SORCS2: variants seen among roughly 807,000 people sequenced by gnomAD.
SORCS2 encodes the protein VPS10 domain-containing receptor SorCS2.
A neutral mutation model predicts 141.6 loss-of-function variants in SORCS2; 100 were observed. The observed-to-expected ratio is 0.71, with a 90% CI of 0.60 to 0.83. The LOEUF is 0.83. Among genes scored for constraint, SORCS2 ranks in the 40% least tolerant of loss-of-function variants. The probability of loss-of-function intolerance (pLI) is 0.00; values close to 1 mark genes in which losing one functional copy is unlikely to be tolerated. For synonymous variants in SORCS2, 789 were observed against 676.9 expected, an observed-to-expected ratio of 1.17 and a Z score of -2.57; for missense variants, 1,646 against 1,560.2, an observed-to-expected ratio of 1.05 and a Z score of -0.93.
At position 7,642,760 on chromosome 4, in the gene SORCS2, C is replaced by T. The variant is rs187732948; in HGVS notation, c.813+4268C>T. On this transcript the variant is annotated intron_variant, in intron 4 of 26. Transcript: ENST00000507866. ...CCAGAGGCTCTGCTGGGCTTTGCTGCGATTGGCTATATGAGGCTCCTGGTT... is the reference window on the plus strand; with the variant it reads ...CCAGAGGCTCTGCTGGGCTTTGCTGTGATTGGCTATATGAGGCTCCTGGTT... Among the ~76,000 whole-genome samples, 255 of 152,238 alleles carry T rather than the reference C, an allele frequency of 1.7e-3. 1 individual carries two copies. The highest frequency in any genetic ancestry group is 5.9e-3 in the African/African-American group (246 of 41,520).
intron 2 of SORCS2, among the ~76,000 whole-genome samples, chr4:7,496,602 T>C (rs964299875): frequency 2.0e-5 from 3 of 151,778 alleles, no homozygotes; most frequent in Middle Eastern, 3.2e-3. Context: ...TTAGTTTTCT[T>C]ACAAACCAGC....
chr4:7,192,750 C>T lies in SORCS2; in HGVS notation c.104C>T (p.Pro35Leu), dbSNP rs1726918906. The T allele has an allele frequency of 4.0e-6, 4 of 997,980 alleles. No homozygotes were observed. Among genetic ancestry groups the T allele is most frequent in the African/African-American group, 1.8e-5 (1 of 56,704 alleles). 61.8% of individuals were successfully genotyped at this position (997,980 alleles called of 1,614,324 possible). The change falls in exon 1 of 27, where the codon CCG (proline) becomes CTG (leucine). Residue 35 changes from proline (P) to leucine (L), a missense_variant. By Grantham distance (98) the Pro-to-Leu change is moderately conservative (BLOSUM62 -3). Coordinates refer to ENST00000507866, the MANE Select transcript of SORCS2 (RefSeq NM_020777.3). This position sits in a 1 kb window ranked among gnomAD's most constrained non-coding sequence, Gnocchi z 4.0. Reference protein sequence around the residue: ...PPPPRSPRSRPLLLLLLLLGA... With the variant: ...PPPPRSPRSRLLLLLLLLLGA... ...CCGCCGCGCTCGCCGCGCTCGCGGC[C>T]GCTCCTGCTGCTGCTGCTGCTGCTG...
intron 3 of SORCS2, among the ~76,000 whole-genome samples, chr4:7,532,734 G>A (rs914454805): frequency 1.3e-5 from 2 of 152,126 alleles, no homozygotes; most frequent in African/African-American, 4.8e-5. Flanking sequence ...AGCCTTGATT[G>A]GGCCGTCTCG....
rs1199156035 is a variant in SORCS2 at position 7,414,752 on chromosome 4, A to G, written c.548+18397A>G. The stretch of plus-strand genomic sequence containing the variant: ...CCAGGTGCAAGGTTCTAAATCTTTC[A>G]TTATAATTAGATATAGGGTCTATGC... On this transcript the variant is annotated intron_variant, in intron 2 of 26. Coordinates refer to ENST00000507866, the MANE Select transcript of SORCS2 (RefSeq NM_020777.3). Among the ~76,000 whole-genome samples, 4 of 152,374 alleles carry G rather than the reference A, an allele frequency of 2.6e-5. No individual in the cohort carries two copies. In the East Asian group the frequency reaches 7.7e-4, roughly 29 times the overall value.
intron 12 of SORCS2, among the ~76,000 whole-genome samples, chr4:7,700,251 T>G (rs556723247): frequency 6.6e-6 from 1 of 152,366 alleles, no homozygotes; most frequent in Non-Finnish European, 1.5e-5. Context: ...AAATGTCATT[T>G]GTCCACAAAA....
chr4:7,522,725 T>C (rs1400402011), intron 2 of SORCS2, among the ~76,000 whole-genome samples: 1 of 79,496 alleles, frequency 1.3e-5, no homozygotes, highest in Non-Finnish European at 2.8e-5. Context: ...TCTCCCGTTT[T>C]CCCTCCTTCC....
At position 7,192,744 on chromosome 4, in the gene SORCS2, C is replaced by T. The variant is rs1726918662; in HGVS notation, c.98C>T (p.Ser33Leu). ...CCGCCGCCGCCGCGCTCGCCGCGCT[C>T]GCGGCCGCTCCTGCTGCTGCTGCTG... ...GAPPPPRSPR[S>L]RPLLLLLLLL... Residue 33 changes from serine (S) to leucine (L), a missense_variant, in exon 1 of 27, where the codon TCG becomes TTG. Coordinates refer to ENST00000507866, the MANE Select transcript of SORCS2 (RefSeq NM_020777.3). This position sits in a 1 kb window ranked among gnomAD's most constrained non-coding sequence, Gnocchi z 4.0. 2.0e-6 allele frequency: 2 copies of T among 995,276 alleles called. No homozygotes were observed. Among genetic ancestry groups the T allele is most frequent in the African/African-American group, 1.8e-5 (1 of 56,798 alleles). 61.7% of individuals were successfully genotyped at this position (995,276 alleles called of 1,614,324 possible).
At chr4:7,288,974 CCA>C (rs1716425973) in intron 1 of SORCS2, among the ~76,000 whole-genome samples, 1 of 151,562 alleles carries the variant, frequency 6.6e-6, no homozygotes, top group African/African-American at 2.4e-5. Context: ...CTTTGAGTTT[CCA>C]CAGTGTTTGT....
intron 3 of SORCS2, among the ~76,000 whole-genome samples, chr4:7,600,359 G>A (rs943603370): frequency 2.6e-5 from 4 of 152,166 alleles, no homozygotes; most frequent in African/African-American, 9.7e-5. Flanking sequence ...ACAGCGTGGA[G>A]GCTTCCCTCT....
intron 1 of SORCS2, among the ~76,000 whole-genome samples, chr4:7,380,785 TG>T (rs533909550): frequency 9.1e-4 from 139 of 152,336 alleles, no homozygotes; most frequent in Non-Finnish European, 1.4e-3. Flanking sequence ...TTTGCTTACT[TG>T]TGTTAAAGAA....
intron 1 of SORCS2, among the ~76,000 whole-genome samples, chr4:7,308,760 C>T (rs1032989519): frequency 7.9e-5 from 12 of 152,214 alleles, no homozygotes; most frequent in Admixed American, 2.6e-4. Flanking sequence ...CCTGTCGTCT[C>T]GCTCCAGCAC....
chr4:7,345,047 G>A (rs912884439), intron 1 of SORCS2, among the ~76,000 whole-genome samples: 10 of 152,158 alleles, frequency 6.6e-5, no homozygotes, highest in Admixed American at 3.9e-4. Flanking sequence ...AGGGTAGGCT[G>A]TTTGCCACAA....
intron 1 of SORCS2, among the ~76,000 whole-genome samples, chr4:7,389,661 T>C (rs1377980613): frequency 3.3e-5 from 5 of 151,168 alleles, no homozygotes; most frequent in Non-Finnish European, 7.4e-5. Context: ...CACAGGGTGG[T>C]CAGGGAAGGC....
At chr4:7,314,624 CCA>C (rs1245375892) in intron 1 of SORCS2, among the ~76,000 whole-genome samples, 2 of 152,132 alleles carry the variant, frequency 1.3e-5, no homozygotes, top group African/African-American at 4.8e-5. Flanking sequence ...CAGGCGTGAG[CCA>C]CCGCACCCGG....
chr4:7,423,232 T>TTGCTGATGA (rs1726207664), intron 2 of SORCS2, among the ~76,000 whole-genome samples: 1 of 152,186 alleles, frequency 6.6e-6, no homozygotes, highest in African/African-American at 2.4e-5. Context: ...AAATGCATTA[T>TTGCTGATGA]TGCTGATGAT....
intron 1 of SORCS2, among the ~76,000 whole-genome samples, chr4:7,296,630 C>G (rs192160001): frequency 4.1e-4 from 63 of 152,340 alleles, no homozygotes; most frequent in Admixed American, 1.4e-3. Flanking sequence ...CCTCATTGCT[C>G]CAAGCCCCAG....
Position 7,374,166 on chromosome 4 carries a change from T to C in SORCS2, c.481-22122T>C, listed in dbSNP as rs574429286. ...TTCTTTCTTTCTTTCTTTCTTTCTT[T>C]CTTTCTTTCTTTCTTTCTTTCTTTC... is the stretch of plus-strand genomic sequence containing the variant. On this transcript the variant is annotated intron_variant, in intron 1 of 26. Transcript: ENST00000507866. 2.6e-3 allele frequency among the ~76,000 whole-genome samples: 379 copies of C among 146,534 alleles called. 4 individuals are homozygous for C. The highest frequency in any genetic ancestry group is 8.3e-3 in the African/African-American group (318 of 38,424).
At chr4:7,221,831 A>C (rs1300220860) in intron 1 of SORCS2, among the ~76,000 whole-genome samples, 1 of 152,178 alleles carries the variant, frequency 6.6e-6, no homozygotes, top group Non-Finnish European at 1.5e-5. Context: ...TTAAGCATAT[A>C]TTTAAGGAGT....
chr4:7,345,561 C>A (rs1328312752), intron 1 of SORCS2, among the ~76,000 whole-genome samples: 2 of 152,184 alleles, frequency 1.3e-5, no homozygotes, highest in Admixed American at 6.5e-5. Flanking sequence ...CTAGCTGCAT[C>A]ACTCTAGACA....
Sources: allele counts gnomAD v4.1 joint callset (sites outside exome capture counted in the v4.1 genomes callset), GRCh38; gene constraint gnomAD v4.1.1; non-coding constraint Gnocchi (gnomAD v3.1); transcripts MANE v1.5; gene names NCBI Gene and HGNC (gene_info 2026-07-23, HGNC 2026-07-21).